The following TET1 variants were observed in gnomAD, a reference collection of about 807,000 sequenced individuals.
TET1 encodes methylcytosine dioxygenase TET1.
In TET1, 13 loss-of-function variants were observed where a neutral mutation model predicts 148.7. That is an observed-to-expected ratio of 0.09 (90% CI 0.06 to 0.14). The LOEUF is 0.14. TET1 is among the 10% of genes least tolerant of loss of function. TET1 has a pLI of 1.00. For missense variants in TET1, 2,182 were observed against 2,553.8 expected (o/e 0.85, Z 3.14); for synonymous variants, 907 against 937.2 (o/e 0.97, Z 0.59).
chr10:68,579,427 G>A (rs1334261944), intron 2 of TET1, among the ~76,000 whole-genome samples: 5 of 152,130 alleles, frequency 3.3e-5, no homozygotes, highest in Non-Finnish European at 7.3e-5. Flanking sequence ...GCTATATTGA[G>A]GCCTTTATTT....
rs56945020 is a variant in TET1, at chr10:68,668,976, GGA to G, written c.4673+1743_4673+1744del. Among the ~76,000 whole-genome samples the G allele has an allele frequency of 9.5e-3, 1,415 of 148,626 alleles. 21 individuals carry two copies. The highest frequency in any genetic ancestry group is 0.033 in the African/African-American group (1,332 of 40,556). ...CTCCAACCTGAGCAACATGGCAAAA[GGA>G]GAGAGAGAGAGAGAGAGAGAGAACT... On this transcript the variant is annotated intron_variant, in intron 7 of 11. Coordinates refer to ENST00000373644, the MANE Select transcript of TET1 (RefSeq NM_030625.3).
intron 6 of TET1, among the ~76,000 whole-genome samples, chr10:68,661,068 C>T (rs1407388825): frequency 2.0e-5 from 3 of 151,620 alleles, no homozygotes; most frequent in Non-Finnish European, 2.9e-5. Flanking sequence ...CTTGCTCTGT[C>T]GCCCAGGCTG....
In TET1 at chr10:68,639,456, AC is replaced by A. The variant is rs1387610514; in HGVS notation, c.1969-5241del. 1.2e-4 allele frequency among the ~76,000 whole-genome samples: 17 copies of A among 141,862 alleles called. No individual in the cohort carries two copies. The South Asian group carries it at 1.4e-3, about 11-fold the overall frequency. The allele number at this position is 141,862 out of a possible 152,430, so 93.1% of individuals were successfully genotyped here. Reference sequence around the variant, plus strand: ...TATTACTATTATTATTACTACTACTACTACTACTACTATTATTATTATTATT... The same window carrying A: ...TATTACTATTATTATTACTACTACTATACTACTACTATTATTATTATTATT... On this transcript the variant is annotated intron_variant, in intron 3 of 11. Coordinates refer to ENST00000373644, the MANE Select transcript of TET1 (RefSeq NM_030625.3).
intron 2 of TET1, among the ~76,000 whole-genome samples, chr10:68,589,521 C>T (rs1407797036): frequency 6.6e-6 from 1 of 151,908 alleles, no homozygotes; most frequent in East Asian, 1.9e-4. Context: ...CCAGGCTGGT[C>T]TTGAACTCCT....
intron 3 of TET1, among the ~76,000 whole-genome samples, chr10:68,618,038 C>A (rs992407060): frequency 2.0e-5 from 3 of 151,636 alleles, no homozygotes; most frequent in African/African-American, 4.8e-5. Context: ...CCTCCTGAGG[C>A]ATTGGGATTA....
intron 6 of TET1, among the ~76,000 whole-genome samples, chr10:68,654,833 G>A (rs1422155126): frequency 2.0e-5 from 3 of 152,184 alleles, no homozygotes; most frequent in South Asian, 4.1e-4. Flanking sequence ...GCTCCTATGA[G>A]GATGCAATCA....
intron 7 of TET1, among the ~76,000 whole-genome samples, chr10:68,671,612 A>G (rs551546920): frequency 6.6e-6 from 1 of 152,176 alleles, no homozygotes; most frequent in African/African-American, 2.4e-5. Context: ...CAAGAAGAAT[A>G]TATGGTACTT....
chr10:68,640,597 G>C (rs2054735649), intron 3 of TET1, among the ~76,000 whole-genome samples: 1 of 111,098 alleles, frequency 9.0e-6, no homozygotes, highest in Non-Finnish European at 1.7e-5. Context: ...TGTCGCCCAG[G>C]CTGGAGTGCA....
At chr10:68,639,089 G>T (rs2054699497) in intron 3 of TET1, among the ~76,000 whole-genome samples, 1 of 151,800 alleles carries the variant, frequency 6.6e-6, no homozygotes, top group Admixed American at 6.6e-5. Context: ...AAGTTCAAGG[G>T]TTCTTAATTA....
intron 6 of TET1, among the ~76,000 whole-genome samples, chr10:68,656,731 A>C (rs994712281): frequency 6.6e-6 from 1 of 152,220 alleles, no homozygotes; most frequent in East Asian, 1.9e-4. Context: ...GCTATTTAGA[A>C]AATGTATTTT....
intron 6 of TET1, among the ~76,000 whole-genome samples, chr10:68,665,401 T>G (rs1186250020): frequency 6.6e-6 from 1 of 152,138 alleles, no homozygotes. Flanking sequence ...ATTCCATGAA[T>G]TTATACTCCT....
At chr10:68,577,188 G>A (rs1483925724) in intron 2 of TET1, among the ~76,000 whole-genome samples, 1 of 152,112 alleles carries the variant, frequency 6.6e-6, no homozygotes, top group Non-Finnish European at 1.5e-5. Flanking sequence ...GGGATTACAG[G>A]CGTGAGCCAC....
chr10:68,600,816 A>G (rs2054045555), intron 2 of TET1, among the ~76,000 whole-genome samples, 165 bp from the exon 3 acceptor site: 1 of 152,176 alleles, frequency 6.6e-6, no homozygotes. Flanking sequence ...AGTGACTTTT[A>G]AAGTATACAT....
At chr10:68,571,451 G>C (rs2053668922) in intron 1 of TET1, among the ~76,000 whole-genome samples, 1 of 150,538 alleles carries the variant, frequency 6.6e-6, no homozygotes, top group African/African-American at 2.4e-5. Flanking sequence ...TTATAGGTGT[G>C]CACCACCACA....
intron 3 of TET1, chr10:68,632,674 G>T: frequency 6.2e-7 from 1 of 1,605,142 alleles, no homozygotes; most frequent in Non-Finnish European, 8.5e-7. Context: ...GATATTATAT[G>T]AAGGTACCCA....
At chr10:68,601,449 G>A (rs1469536030) in intron 3 of TET1, among the ~76,000 whole-genome samples, 2 of 152,198 alleles carry the variant, frequency 1.3e-5, no homozygotes, top group African/African-American at 2.4e-5. Context: ...ATTTTAAAAT[G>A]TATGATTCTT....
chr10:68,664,724 A>T (rs1196079773), intron 6 of TET1, among the ~76,000 whole-genome samples: 9 of 127,594 alleles, frequency 7.1e-5, no homozygotes, highest in African/African-American at 2.7e-4. Flanking sequence ...GTTCATGATG[A>T]TAGCCTTGAA....
At chr10:68,569,321 C>T (rs2795906) in intron 1 of TET1, among the ~76,000 whole-genome samples, 7,072 of 151,648 alleles carry the variant, frequency 0.047, 208 homozygotes, top group South Asian at 0.082. Context: ...TACAGGTGCC[C>T]GCCACCAGGC....
At chr10:68,596,375 A>G (rs537032120) in intron 2 of TET1, among the ~76,000 whole-genome samples, 1 of 152,264 alleles carries the variant, frequency 6.6e-6, no homozygotes, top group East Asian at 1.9e-4. Context: ...CTTATGGTAC[A>G]TGCTCAAGTC....
Sources: gnomAD v4.1 joint callset for allele counts (sites outside exome capture counted in the v4.1 genomes callset) on GRCh38, gnomAD v4.1.1 for gene constraint, MANE v1.5 for transcripts, NCBI Gene and HGNC (gene_info 2026-07-23, HGNC 2026-07-21) for gene names.